The following PTK2 variants were observed in gnomAD, a reference collection of about 807,000 sequenced individuals.
PTK2 encodes the protein protein tyrosine kinase 2.
A neutral mutation model predicts 150.1 loss-of-function variants in PTK2; 45 were observed. That is an observed-to-expected ratio of 0.30 (90% CI 0.24 to 0.38). PTK2 has a LOEUF of 0.38. Ranked by LOEUF, PTK2 falls within the 10% of genes least tolerant of loss-of-function variation. The pLI is 1.00. For missense variants in PTK2, 919 were observed against 1,307.3 expected, an observed-to-expected ratio of 0.70 and a Z score of 4.58; for synonymous variants, 432 against 449.2, an observed-to-expected ratio of 0.96 and a Z score of 0.48.
chr8:140,903,204 C>A (rs2100159480), intron 2 of PTK2, among the ~76,000 whole-genome samples: 1 of 152,026 alleles, frequency 6.6e-6, no homozygotes. Context: ...ATATGGCTAG[C>A]CAGTTTTCCC....
At chr8:140,848,610 T>C (rs1426320048) in intron 5 of PTK2, among the ~76,000 whole-genome samples, 3 of 152,178 alleles carry the variant, frequency 2.0e-5, no homozygotes, top group Non-Finnish European at 4.4e-5. Context: ...AATTAATTCA[T>C]TCAGTTAAGT....
chr8:140,949,659 G>A (rs1382827502), intron 1 of PTK2, among the ~76,000 whole-genome samples: 4 of 152,232 alleles, frequency 2.6e-5, no homozygotes, highest in Admixed American at 6.5e-5. Context: ...TGACAAGCAC[G>A]GGAGGGAGGC....
intron 1 of PTK2, among the ~76,000 whole-genome samples, chr8:140,974,174 T>C (rs1490423066): frequency 6.6e-6 from 1 of 152,118 alleles, no homozygotes; most frequent in Non-Finnish European, 1.5e-5. Context: ...GATGCTCATA[T>C]CTCAACAACT....
intron 18 of PTK2, among the ~76,000 whole-genome samples, chr8:140,745,255 T>C (rs1317896869): frequency 2.0e-5 from 3 of 152,170 alleles, no homozygotes; most frequent in African/African-American, 4.8e-5. Flanking sequence ...CCATGAAGTT[T>C]TGGATGCAGA....
intron 23 of PTK2, among the ~76,000 whole-genome samples, chr8:140,716,561 T>C (rs1440802044): frequency 6.6e-6 from 1 of 152,192 alleles, no homozygotes; most frequent in Non-Finnish European, 1.5e-5. Context: ...CATAATTGTG[T>C]TAATCACTTA....
intron 17 of PTK2, chr8:140,751,853 C>G (rs1170339168): frequency 3.9e-6 from 2 of 510,578 alleles, no homozygotes; most frequent in South Asian, 2.9e-5. Context: ...CCTATTCCTT[C>G]ACTAGTCTAT....
intron 7 of PTK2, among the ~76,000 whole-genome samples, chr8:140,838,842 T>C (rs1366940901): frequency 2.6e-5 from 4 of 151,790 alleles, no homozygotes. Flanking sequence ...CCGTCTCTAC[T>C]AAAAATACAA....
At chr8:140,818,130 A>T in intron 10 of PTK2, 147 bp downstream of exon 10, 3 of 692,468 alleles carry the variant, frequency 4.3e-6, no homozygotes, top group Non-Finnish European at 7.4e-6. Flanking sequence ...ACTTTCTCTT[A>T]CTTGTCCCCC....
chr8:140,767,251 A>C (rs928491448), intron 14 of PTK2, among the ~76,000 whole-genome samples: 15 of 133,966 alleles, frequency 1.1e-4, no homozygotes, highest in Non-Finnish European at 2.1e-4. Flanking sequence ...AAAACCTGTA[A>C]ATTTCTTTCT....
At chr8:140,742,602 A>G (rs886241288) in intron 20 of PTK2, among the ~76,000 whole-genome samples, 1 of 152,226 alleles carries the variant, frequency 6.6e-6, no homozygotes, top group African/African-American at 2.4e-5. Context: ...CCTAATGGAC[A>G]CAGATGTGGA....
chr8:140,757,690 G>C (rs1250647524), intron 16 of PTK2, among the ~76,000 whole-genome samples: 1 of 152,122 alleles, frequency 6.6e-6, no homozygotes, highest in Non-Finnish European at 1.5e-5. Context: ...AATTTTCTCT[G>C]TTATTGTAAC....
intron 4 of PTK2, among the ~76,000 whole-genome samples, chr8:140,877,282 C>T (rs1360497380): frequency 6.6e-6 from 1 of 152,140 alleles, no homozygotes; most frequent in Non-Finnish European, 1.5e-5. Context: ...GATTTGCCTG[C>T]CTCAGCCTCT....
intron 22 of PTK2, among the ~76,000 whole-genome samples, chr8:140,731,107 C>T (rs2154367702): frequency 6.6e-6 from 1 of 152,036 alleles, no homozygotes; most frequent in African/African-American, 2.4e-5. Context: ...TTACAGGTGC[C>T]TGCCACCACG....
Position 140,870,158 on chromosome 8 carries a change from A to G in PTK2, c.363-5759T>C, listed in dbSNP as rs140001303. Among the ~76,000 whole-genome samples the G allele has an allele frequency of 8.0e-3, 1,212 of 152,324 alleles. 13 individuals are homozygous for G. The highest frequency in any genetic ancestry group is 0.027 in the African/African-American group (1,118 of 41,580). On this transcript the variant is annotated intron_variant, in intron 4 of 31. Transcript: ENST00000522684. ...AGAATCATCTCAACATAGTTAAAAA[A>G]AGTCAACACCATAAAATTGTTATGC...
At chr8:140,959,778 A>G (rs543308254) in intron 1 of PTK2, among the ~76,000 whole-genome samples, 1 of 152,018 alleles carries the variant, frequency 6.6e-6, no homozygotes, top group Non-Finnish European at 1.5e-5. Context: ...GGACAGCCTG[A>G]GCCCAGGAGT....
upstream of PTK2, chr8:141,001,239 C>CCGG (rs559713729): frequency 2.8e-3 from 408 of 148,316 alleles, 2 homozygotes; most frequent in Middle Eastern, 6.8e-3. Context: ...TGGTCCGGGA[C>CCGG]CGGCGGCGGC....
chr8:140,921,017 T>C (rs2100167189), intron 2 of PTK2: 3 of 1,290,936 alleles, frequency 2.3e-6, no homozygotes, highest in Non-Finnish European at 2.9e-6. Context: ...AAGGTTCCCC[T>C]GTGTGCTCCT....
At chr8:140,883,386 A>G (rs1173105320) in intron 3 of PTK2, among the ~76,000 whole-genome samples, 1 of 152,172 alleles carries the variant, frequency 6.6e-6, no homozygotes. Context: ...GATATTTTAT[A>G]TTTTTAGCTA....
chr8:140,830,674 C>T (rs940419916), intron 7 of PTK2, 148 bp from the exon 8 acceptor site: 2 of 523,872 alleles, frequency 3.8e-6, no homozygotes, highest in Non-Finnish European at 6.6e-6. Flanking sequence ...TTTAATTTAC[C>T]AGTATATTCA....
Sources: gnomAD v4.1 joint callset for allele counts (sites outside exome capture counted in the v4.1 genomes callset) on GRCh38, gnomAD v4.1.1 for gene constraint, MANE v1.5 for transcripts, NCBI Gene and HGNC (gene_info 2026-07-23, HGNC 2026-07-21) for gene names.